KCNQ5: variants seen among roughly 807,000 people sequenced by gnomAD.
KCNQ5 encodes potassium voltage-gated channel subfamily Q member 5, also known as potassium voltage-gated channel subfamily KQT member 5.
KCNQ5 carries 30 observed loss-of-function variants against 98.2 expected under a neutral mutation model. The ratio of observed to expected loss-of-function variants is 0.31; its 90% CI spans 0.23 to 0.41. The LOEUF is 0.41. Among genes scored for constraint, KCNQ5 ranks in the 10% least tolerant of loss-of-function variants. The pLI, the probability that KCNQ5 is intolerant of heterozygous loss-of-function variation, is 1.00. For synonymous variants in KCNQ5, 458 were observed against 449.4 expected (o/e 1.02, Z -0.24); for missense variants, 835 against 1,182.5 (o/e 0.71, Z 4.31).
chr6:73,028,865 G>A lies in KCNQ5; in HGVS notation c.490-13071G>A, dbSNP rs113078142. The stretch of plus-strand genomic sequence containing the variant: ...TACCATGGTCTCCAAATCAAGTGTC[G>A]TGTTGCCAGGTAGGAATAAGTCTAC... On this transcript the variant is annotated intron_variant, in intron 2 of 13. Transcript: ENST00000370398. Among the ~76,000 whole-genome samples the A allele has an allele frequency of 4.1e-3, 617 of 152,244 alleles. 5 individuals are homozygous for A. Among genetic ancestry groups the A allele is most frequent in the African/African-American group, 0.014 (569 of 41,532 alleles).
intron 1 of KCNQ5, among the ~76,000 whole-genome samples, chr6:72,775,450 G>A (rs950923921): frequency 6.6e-6 from 1 of 152,198 alleles, no homozygotes; most frequent in African/African-American, 2.4e-5. Context: ...CAGTGAAGGA[G>A]AAGAGACACA....
intron 3 of KCNQ5, among the ~76,000 whole-genome samples, chr6:73,061,533 C>G (rs73753237): frequency 6.6e-6 from 1 of 152,116 alleles, no homozygotes; most frequent in Non-Finnish European, 1.5e-5. Context: ...ACTCCAGGCA[C>G]TTTTGTCATT....
intron 1 of KCNQ5, among the ~76,000 whole-genome samples, chr6:72,640,391 C>T (rs1284745727): frequency 6.9e-6 from 1 of 145,246 alleles, no homozygotes; most frequent in Non-Finnish European, 1.5e-5. Context: ...ATAGCCTCTT[C>T]AGAGGAGGAA....
intron 1 of KCNQ5, among the ~76,000 whole-genome samples, chr6:72,944,306 A>T (rs992805210): frequency 6.6e-6 from 1 of 152,190 alleles, no homozygotes; most frequent in African/African-American, 2.4e-5. Flanking sequence ...TGGGGTCAAC[A>T]CATAATAAAA....
intron 1 of KCNQ5, among the ~76,000 whole-genome samples, chr6:72,867,072 A>C (rs1778018506): frequency 6.6e-6 from 1 of 152,228 alleles, no homozygotes; most frequent in Non-Finnish European, 1.5e-5. Flanking sequence ...TTAATAGTTC[A>C]GTGATAAGTA....
intron 1 of KCNQ5, among the ~76,000 whole-genome samples, chr6:72,670,666 G>A (rs577460621): frequency 1.1e-4 from 16 of 152,306 alleles, no homozygotes; most frequent in African/African-American, 1.4e-4. Flanking sequence ...CAGCCAGTTC[G>A]GTTCTTGGCT....
At chr6:72,944,443 C>T (rs567665941) in intron 1 of KCNQ5, among the ~76,000 whole-genome samples, 141 of 152,146 alleles carry the variant, frequency 9.3e-4, no homozygotes, top group Non-Finnish European at 1.7e-3. Context: ...ACTACATGCC[C>T]GATATTATTT....
chr6:73,002,687 T>A (rs545974688), intron 1 of KCNQ5, among the ~76,000 whole-genome samples: 1 of 152,298 alleles, frequency 6.6e-6, no homozygotes, highest in South Asian at 2.1e-4. Context: ...TCTGTGGGCC[T>A]TACTGACCCT....
intron 3 of KCNQ5, among the ~76,000 whole-genome samples, chr6:73,056,030 T>C (rs1772473280): frequency 6.6e-6 from 1 of 152,202 alleles, no homozygotes; most frequent in Non-Finnish European, 1.5e-5. Flanking sequence ...CTTCATACAT[T>C]CTAGTCAGAA....
At chr6:72,861,522 C>T (rs1777761863) in intron 1 of KCNQ5, among the ~76,000 whole-genome samples, 1 of 152,126 alleles carries the variant, frequency 6.6e-6, no homozygotes, top group Non-Finnish European at 1.5e-5. Context: ...AAAAAAGTTT[C>T]CTTGGAAATT....
At chr6:73,031,375 A>G (rs1206034435) in intron 2 of KCNQ5, among the ~76,000 whole-genome samples, 2 of 152,358 alleles carry the variant, frequency 1.3e-5, no homozygotes, top group Admixed American at 6.5e-5. Flanking sequence ...AAAGCTGAAT[A>G]GACAGGTCAG....
intron 5 of KCNQ5, among the ~76,000 whole-genome samples, chr6:73,084,801 T>A (rs983778156): frequency 3.9e-5 from 6 of 152,194 alleles, no homozygotes; most frequent in Admixed American, 2.6e-4. Flanking sequence ...GCCTGCCCTT[T>A]CTCCGACCCT....
intron 10 of KCNQ5, chr6:73,136,287 A>T (rs200019546): frequency 6.6e-6 from 1 of 152,250 alleles, no homozygotes; most frequent in African/African-American, 2.4e-5. Flanking sequence ...TAAAAAATTC[A>T]TAGAATCTGG....
intron 1 of KCNQ5, among the ~76,000 whole-genome samples, chr6:72,853,299 T>C (rs916334471): frequency 2.6e-5 from 4 of 152,140 alleles, no homozygotes; most frequent in African/African-American, 9.7e-5. Flanking sequence ...CTTTCTAAAT[T>C]TGAACTTCAG....
chr6:73,111,262 C>T (rs756304294), intron 6 of KCNQ5, 46 bp from the exon 7 acceptor site: 35 of 1,288,630 alleles, frequency 2.7e-5, no homozygotes, highest in Non-Finnish European at 3.5e-5. Context: ...TATTATTTAA[C>T]AGTGCTTTTG....
rs867648256 is a variant in KCNQ5 at position 72,736,661 on chromosome 6, G to A, written c.398+114074G>A. ...ACTACAGGCGCCCGCCACCACGCCC[G>A]GCTAATTTTTTGTATTTTTAGTAGA... On this transcript the variant is annotated intron_variant, in intron 1 of 13. Transcript: ENST00000370398. 5.7e-4 allele frequency among the ~76,000 whole-genome samples: 85 copies of A among 148,840 alleles called. 1 individual carries two copies. Among genetic ancestry groups the A allele is most frequent in the Middle Eastern group, 3.4e-3 (1 of 292 alleles).
intron 10 of KCNQ5, among the ~76,000 whole-genome samples, chr6:73,154,237 A>G (rs1777266677): frequency 6.6e-6 from 1 of 152,168 alleles, no homozygotes; most frequent in South Asian, 2.1e-4. Context: ...TGATTTTTCT[A>G]ACTCTTAATT....
At position 73,194,761 on chromosome 6, in the gene KCNQ5, G is replaced by A; in HGVS notation, c.2146G>A (p.Val716Met). ...SPTMHSQATQ[V>M]PISQSDGSAV... ...TACTATGCACAGTCAAGCAACACAG[G>A]TGCCAATTAGTCAAAGCGATGGCTC... Residue 716 changes from valine (V) to methionine (M), a missense_variant, in exon 14 of 14, where the codon GTG becomes ATG. By Grantham distance (21) the Val-to-Met change is conservative. Coordinates refer to ENST00000370398, the MANE Select transcript of KCNQ5 (RefSeq NM_019842.4). The A allele has an allele frequency of 6.2e-7, 1 of 1,614,216 alleles. No individual in the cohort carries two copies. Among genetic ancestry groups the A allele is most frequent in the Non-Finnish European group, 8.5e-7 (1 of 1,180,038 alleles).
At chr6:72,740,019 G>T (rs4235869) in intron 1 of KCNQ5, among the ~76,000 whole-genome samples, 47,308 of 151,932 alleles carry the variant, frequency 0.31, 8,636 homozygotes, top group East Asian at 0.76. Flanking sequence ...TCTGCTCAGG[G>T]TCTCACTTGG....
Sources: gnomAD v4.1 joint callset for allele counts (sites outside exome capture counted in the v4.1 genomes callset) on GRCh38, gnomAD v4.1.1 for gene constraint, MANE v1.5 for transcripts, NCBI Gene and HGNC (gene_info 2026-07-23, HGNC 2026-07-21) for gene names.